Variants in NFKB1 observed in about 807,000 individuals in gnomAD.
The protein encoded by NFKB1 is nuclear factor NF-kappa-B p105 subunit.
Under a neutral mutation model 105.1 loss-of-function variants are expected in NFKB1, and 9 were observed. The ratio of observed to expected loss-of-function variants is 0.09; its 90% CI spans 0.05 to 0.15. The LOEUF (loss-of-function observed/expected upper bound fraction) is 0.15. NFKB1 is among the 10% of genes least tolerant of loss of function. NFKB1 has a pLI of 1.00. For synonymous variants in NFKB1, 440 were observed against 442.2 expected (o/e 1.00, Z 0.06); for missense variants, 830 against 1,203.7 (o/e 0.69, Z 4.59).
At chr4:102,594,809 C>T (rs1726471009) in intron 12 of NFKB1, 83 bp from the exon 13 acceptor site, 2 of 963,632 alleles carry the variant, frequency 2.1e-6, no homozygotes, top group Non-Finnish European at 3.3e-6. Context: ...AGGCTGTGCT[C>T]ACCTGAGAGA....
intron 2 of NFKB1, among the ~76,000 whole-genome samples, chr4:102,528,632 T>C (rs1267050369): frequency 5.3e-5 from 8 of 152,334 alleles, no homozygotes; most frequent in African/African-American, 1.9e-4. Context: ...GTTTCCATGC[T>C]GTCCACAGAC....
rs4648109 is a variant in NFKB1 at position 102,612,474 on chromosome 4, G to C, written c.2460G>C (p.Leu820=). 2.1e-3 allele frequency: 3,338 copies of C among 1,613,698 alleles called. 57 individuals are homozygous for C. In the African/African-American group the frequency reaches 0.039, roughly 19 times the overall value. The change falls in exon 22 of 24, where the codon CTG becomes CTC. Residue 820 remains leucine (L), a synonymous_variant. Transcript: ENST00000226574. ...KQLAEDVKLQ[L]YKLLEIPDPD... is the part of the protein sequence containing the mutation. The stretch of plus-strand genomic sequence containing the variant: ...TGGCTGAAGATGTGAAGCTGCAGCT[G>C]TATAAGTTACTAGAAATTCCTGATC...
intron 21 of NFKB1, 39 bp from the exon 22 acceptor site, chr4:102,612,395 C>A: frequency 6.3e-7 from 1 of 1,595,610 alleles, no homozygotes; most frequent in Non-Finnish European, 8.5e-7. Flanking sequence ...GTGTCTATGG[C>A]ATGTTAGAAC....
intron 1 of NFKB1, among the ~76,000 whole-genome samples, chr4:102,502,339 C>T (rs917276282): frequency 6.6e-6 from 1 of 151,130 alleles, no homozygotes; most frequent in African/African-American, 2.4e-5. Flanking sequence ...CTGGCTCGCT[C>T]TCTGTCTCTC....
intron 12 of NFKB1, 38 bp from the exon 13 acceptor site, chr4:102,594,854 T>G (rs756755497): frequency 1.4e-6 from 2 of 1,447,514 alleles, no homozygotes; most frequent in East Asian, 4.5e-5. Context: ...TTGTAAAATA[T>G]CTTCATGATG....
At position 102,606,640 on chromosome 4, in the gene NFKB1, A is replaced by G. The variant is rs766156098; in HGVS notation, c.1897A>G (p.Ser633Gly). 55 of 1,614,104 alleles carry G rather than the reference A, an allele frequency of 3.4e-5. No individual in the cohort carries two copies. The South Asian group carries it at 5.5e-4, about 16-fold the overall frequency. The change falls in exon 17 of 24, where the codon AGT becomes GGT. Residue 633 changes from serine (S) to glycine (G), a missense_variant. Transcript: ENST00000226574. ...CAAAGAAGGACATGATAAAGTTCTC[A>G]GTATCTTACTCAAGCACAAAAAGGC... The part of the protein sequence containing the change: ...AAKEGHDKVL[S>G]ILLKHKKAAL...
chr4:102,567,601 A>G (rs1284056792), intron 6 of NFKB1, among the ~76,000 whole-genome samples: 2 of 152,222 alleles, frequency 1.3e-5, no homozygotes, highest in Non-Finnish European at 2.9e-5. Context: ...ATGCATAAAT[A>G]TCATTTCAGC....
At chr4:102,515,725 T>C (rs1740135055) in intron 1 of NFKB1, among the ~76,000 whole-genome samples, 2 of 152,338 alleles carry the variant, frequency 1.3e-5, no homozygotes, top group South Asian at 4.1e-4. Flanking sequence ...CTTCTTTATA[T>C]GTTATAAACT....
chr4:102,595,196 A>G (rs543984958), intron 13 of NFKB1, among the ~76,000 whole-genome samples: 8 of 152,316 alleles, frequency 5.3e-5, no homozygotes, highest in African/African-American at 1.9e-4. Flanking sequence ...TTTACTTTGT[A>G]AGTGGCATGA....
At chr4:102,524,383 C>T (rs930597196) in intron 1 of NFKB1, among the ~76,000 whole-genome samples, 1 of 151,958 alleles carries the variant, frequency 6.6e-6, no homozygotes, top group Non-Finnish European at 1.5e-5. Context: ...ATTTTTATTG[C>T]ACTTTTAATA....
chr4:102,574,125 C>CTTTTTTTTTTTTTTTTT (rs56977004), intron 6 of NFKB1, among the ~76,000 whole-genome samples: 2 of 93,268 alleles, frequency 2.1e-5, no homozygotes, highest in African/African-American at 4.6e-5. Flanking sequence ...TCTTGGATTC[C>CTTTTTTTTTTTTTTTTT]TTTTTTTTTT....
chr4:102,607,437 A>G (rs1007919564), intron 18 of NFKB1, 118 bp downstream of exon 18: 2 of 1,232,548 alleles, frequency 1.6e-6, no homozygotes, highest in African/African-American at 3.0e-5. Flanking sequence ...TATTTGTTTA[A>G]CATTTATGGA....
intron 1 of NFKB1, chr4:102,511,016 G>A (rs2149098004): frequency 9.1e-7 from 1 of 1,101,646 alleles, no homozygotes; most frequent in East Asian, 5.9e-5. Flanking sequence ...GATGAGGAGG[G>A]GTGGAGTAGG....
intron 17 of NFKB1, 47 bp from the exon 18 acceptor site, chr4:102,607,102 GT>G: frequency 6.3e-7 from 1 of 1,592,338 alleles, no homozygotes; most frequent in South Asian, 1.1e-5. Flanking sequence ...GGGCCATCTT[GT>G]GAGTTAGCCA....
At chr4:102,573,649 C>G (rs987120068) in intron 6 of NFKB1, among the ~76,000 whole-genome samples, 3 of 152,082 alleles carry the variant, frequency 2.0e-5, no homozygotes, top group African/African-American at 7.2e-5. Flanking sequence ...TCCTCTTCAT[C>G]TTCTTCTGGA....
chr4:102,583,478 T>C (rs1225633747), intron 10 of NFKB1, among the ~76,000 whole-genome samples: 4 of 152,200 alleles, frequency 2.6e-5, no homozygotes, highest in African/African-American at 9.7e-5. Context: ...TGGCAAGATA[T>C]TTAATTGCTG....
chr4:102,522,120 G>C (rs1740613358), intron 1 of NFKB1, among the ~76,000 whole-genome samples: 1 of 152,116 alleles, frequency 6.6e-6, no homozygotes, highest in African/African-American at 2.4e-5. Context: ...GAGGTAGAAG[G>C]GGTTTTCCCT....
At chr4:102,607,611 C>T (rs1442219949) in intron 18 of NFKB1, 38 bp from the exon 19 acceptor site, 11 of 1,599,698 alleles carry the variant, frequency 6.9e-6, no homozygotes, top group Admixed American at 1.7e-5. Flanking sequence ...GGCAAAAGAA[C>T]CTTCCACTAA....
chr4:102,578,687 T>A (rs1267847239), intron 7 of NFKB1, 194 bp from the exon 8 acceptor site: 7 of 528,984 alleles, frequency 1.3e-5, no homozygotes, highest in Middle Eastern at 9.1e-4. Context: ...AAAATGCAGG[T>A]CTTCTTTGAT....
Sources: allele counts gnomAD v4.1 joint callset (sites outside exome capture counted in the v4.1 genomes callset), GRCh38; gene constraint gnomAD v4.1.1; transcripts MANE v1.5; gene names NCBI Gene and HGNC (gene_info 2026-07-23, HGNC 2026-07-21).